Variants in SIPA1L2 observed in about 807,000 individuals in gnomAD.
The protein encoded by SIPA1L2 is signal induced proliferation associated 1 like 2, also known as signal-induced proliferation-associated 1-like protein 2.
In SIPA1L2, 56 loss-of-function variants were observed where a neutral mutation model predicts 163.9. The observed-to-expected ratio is 0.34, with a 90% CI of 0.28 to 0.43. The LOEUF is 0.43. Ranked by LOEUF, SIPA1L2 falls within the 20% of genes least tolerant of loss-of-function variation. SIPA1L2 has a pLI of 1.00. For synonymous variants in SIPA1L2, 877 were observed against 865.7 expected, an observed-to-expected ratio of 1.01 and a Z score of -0.23; for missense variants, 1,974 against 2,193.5, an observed-to-expected ratio of 0.90 and a Z score of 2.00.
At chr1:232,615,555 G>C (rs1487507624) in intron 1 of SIPA1L2, among the ~76,000 whole-genome samples, 1 of 152,132 alleles carries the variant, frequency 6.6e-6, no homozygotes, top group Non-Finnish European at 1.5e-5. Context: ...AAACCCTCTG[G>C]CTCCTGAATA....
intron 22 of SIPA1L2, among the ~76,000 whole-genome samples, chr1:232,401,498 A>C (rs75296900): frequency 0.053 from 8,105 of 152,326 alleles, 279 homozygotes; most frequent in South Asian, 0.085. Context: ...ATGACTAGAA[A>C]GAAAAGAAAC....
At chr1:232,510,041 G>T (rs1666909313) in intron 3 of SIPA1L2, among the ~76,000 whole-genome samples, 1 of 152,078 alleles carries the variant, frequency 6.6e-6, no homozygotes, top group African/African-American at 2.4e-5. Flanking sequence ...GCTTTGCAAA[G>T]CACAGTCATG....
intron 2 of SIPA1L2, among the ~76,000 whole-genome samples, chr1:232,568,675 C>T (rs968782492): frequency 1.3e-5 from 2 of 152,126 alleles, no homozygotes; most frequent in Non-Finnish European, 1.5e-5. Flanking sequence ...CCTTGATGAC[C>T]TCATCAAATC....
In SIPA1L2 at chr1:232,492,386, A is replaced by G. The variant is rs536594501; in HGVS notation, c.1617+1141T>C. 1.8e-4 allele frequency among the ~76,000 whole-genome samples: 28 copies of G among 152,266 alleles called. 1 individual carries two copies. The South Asian group carries it at 5.6e-3, about 30-fold the overall frequency. On this transcript the variant is annotated intron_variant, in intron 4 of 22. Transcript: ENST00000674635. ...GGTCTTGCTATATTGCCCAGGCTGG[A>G]GTGCAGGGCCTATTCACAGGTGTAA...
chr1:232,572,700 T>C (rs1459607473), intron 2 of SIPA1L2, among the ~76,000 whole-genome samples: 1 of 96,366 alleles, frequency 1.0e-5, no homozygotes, highest in Non-Finnish European at 1.7e-5. Context: ...CATACATATA[T>C]ATATATATAT....
At chr1:232,510,262 A>C (rs575733068) in intron 3 of SIPA1L2, among the ~76,000 whole-genome samples, 78 of 152,196 alleles carry the variant, frequency 5.1e-4, no homozygotes, top group Non-Finnish European at 9.0e-4. Flanking sequence ...AAAGATATAT[A>C]TCTAGGATTG....
At chr1:232,454,895 C>T (rs1663805807) in intron 10 of SIPA1L2, among the ~76,000 whole-genome samples, 1 of 152,194 alleles carries the variant, frequency 6.6e-6, no homozygotes, top group Non-Finnish European at 1.5e-5. Context: ...ATAAGTACTA[C>T]TGCATTTTAG....
intron 3 of SIPA1L2, 35 bp downstream of exon 3, chr1:232,513,822 C>A: frequency 2.0e-6 from 3 of 1,528,356 alleles, no homozygotes; most frequent in South Asian, 1.3e-5. Context: ...AAACTACTCC[C>A]GAGACACATG....
chr1:232,564,046 T>C (rs1659214694), intron 2 of SIPA1L2, among the ~76,000 whole-genome samples: 1 of 133,616 alleles, frequency 7.5e-6, no homozygotes, highest in African/African-American at 3.4e-5. Context: ...GGTGTGATCT[T>C]GGCTCGCTGC....
intron 18 of SIPA1L2, among the ~76,000 whole-genome samples, chr1:232,422,893 G>A (rs1661653526): frequency 6.6e-6 from 1 of 152,210 alleles, no homozygotes; most frequent in South Asian, 2.1e-4. Flanking sequence ...CTTAGAGAGG[G>A]TCTACAGAAT....
chr1:232,583,040 T>C (rs1487636631), intron 1 of SIPA1L2, among the ~76,000 whole-genome samples: 1 of 152,188 alleles, frequency 6.6e-6, no homozygotes, highest in Non-Finnish European at 1.5e-5. Flanking sequence ...TAGCAATATC[T>C]CCTATTTATT....
chr1:232,427,772 T>C (rs903076470), intron 17 of SIPA1L2, among the ~76,000 whole-genome samples: 2 of 152,210 alleles, frequency 1.3e-5, no homozygotes, highest in East Asian at 1.9e-4. Context: ...GGTTGGTTTA[T>C]GAGATTTAAG....
chr1:232,462,198 A>G (rs1430213507), intron 9 of SIPA1L2: 1 of 1,548,840 alleles, frequency 6.5e-7, no homozygotes, highest in Non-Finnish European at 8.7e-7. Context: ...CTCACCGAGC[A>G]TAGTTTACAT....
At chr1:232,425,071 C>T (rs6678364) in intron 18 of SIPA1L2, among the ~76,000 whole-genome samples, 5,954 of 152,200 alleles carry the variant, frequency 0.039, 396 homozygotes, top group African/African-American at 0.14. Context: ...AGAGAACACA[C>T]GTCATCTGCA....
intron 2 of SIPA1L2, among the ~76,000 whole-genome samples, chr1:232,548,422 T>C (rs1658176104): frequency 6.6e-6 from 1 of 152,216 alleles, no homozygotes; most frequent in South Asian, 2.1e-4. Flanking sequence ...TCATAATTAG[T>C]GTGAAACCCA....
In SIPA1L2 at chr1:232,513,767, G is replaced by A. The variant is rs939341099; in HGVS notation, c.1483+90C>T. On this transcript the variant is annotated intron_variant, in intron 3 of 22. Transcript: ENST00000674635. ...GGACTATGGCCTTGGACACTCTGAGGAAGGTGCTCCAACACAAAGCAAAAC... is the reference window on the plus strand; with the variant it reads ...GGACTATGGCCTTGGACACTCTGAGAAAGGTGCTCCAACACAAAGCAAAAC... The A allele has an allele frequency of 3.7e-6, 5 of 1,356,254 alleles. No individual in the cohort carries two copies. The African/African-American group carries it at 7.3e-5, about 20-fold the overall frequency. 84.0% of individuals were successfully genotyped at this position (1,356,254 alleles called of 1,614,324 possible).
In SIPA1L2 at chr1:232,453,872, T is replaced by G. The variant is rs569186743; in HGVS notation, c.3095+7015A>C. Among the ~76,000 whole-genome samples the G allele has an allele frequency of 3.9e-5, 6 of 152,250 alleles. No homozygotes were observed. The South Asian group carries it at 1.0e-3, about 26-fold the overall frequency. Reference sequence around the variant, plus strand: ...CCGATCCTCTAAAACAAATTAAATGTTTTTTTAATATTATGCATTTTGTAA... The same window carrying G: ...CCGATCCTCTAAAACAAATTAAATGGTTTTTTAATATTATGCATTTTGTAA... On this transcript the variant is annotated intron_variant, in intron 10 of 22. Transcript: ENST00000674635.
chr1:232,566,544 G>A (rs911883052), intron 2 of SIPA1L2, among the ~76,000 whole-genome samples: 4 of 152,246 alleles, frequency 2.6e-5, no homozygotes, highest in Admixed American at 2.6e-4. Context: ...TTTATAACAT[G>A]GTACTATAAA....
chr1:232,543,381 C>T (rs980136561), intron 2 of SIPA1L2, among the ~76,000 whole-genome samples: 4 of 152,148 alleles, frequency 2.6e-5, no homozygotes, highest in Non-Finnish European at 4.4e-5. Context: ...AGTTACACTG[C>T]GTGTGCCTGC....
Sources: gnomAD v4.1 joint callset for allele counts (sites outside exome capture counted in the v4.1 genomes callset) on GRCh38, gnomAD v4.1.1 for gene constraint, MANE v1.5 for transcripts, NCBI Gene and HGNC (gene_info 2026-07-23, HGNC 2026-07-21) for gene names.